The following TLK2 variants were observed in gnomAD, a reference collection of about 807,000 sequenced individuals.
The protein encoded by TLK2 is serine/threonine-protein kinase tousled-like 2.
A neutral mutation model predicts 117.3 loss-of-function variants in TLK2; 6 were observed. The observed-to-expected ratio is 0.05, with a 90% CI of 0.03 to 0.10. TLK2 has a LOEUF of 0.10. TLK2 is among the 10% of genes least tolerant of loss of function. The pLI is 1.00. For synonymous variants in TLK2, 257 were observed against 316.7 expected (o/e 0.81, Z 2.00); for missense variants, 299 against 901.2 (o/e 0.33, Z 8.56).
intron 2 of TLK2, among the ~76,000 whole-genome samples, chr17:62,518,794 T>TA (rs1185855637): frequency 3.9e-5 from 6 of 152,178 alleles, no homozygotes; most frequent in African/African-American, 1.4e-4. Flanking sequence ...CCATGAAAAT[T>TA]AATAATTTCT....
At chr17:62,495,972 T>G (rs1384181500) in intron 2 of TLK2, among the ~76,000 whole-genome samples, 1 of 151,846 alleles carries the variant, frequency 6.6e-6, no homozygotes, top group Non-Finnish European at 1.5e-5. Context: ...GGCCCCAAAA[T>G]TAAAATTTTT....
At chr17:62,576,085 T>G (rs537254695) in intron 12 of TLK2, among the ~76,000 whole-genome samples, 134 of 152,346 alleles carry the variant, frequency 8.8e-4, no homozygotes, top group African/African-American at 3.0e-3. Flanking sequence ...AGAGTTGATT[T>G]AAATAGCATT....
At position 62,471,888 on chromosome 17, in the gene TLK2, C is replaced by CTTTTT. The variant is rs869092720; in HGVS notation, c.-205+835_-205+839dup. Among the ~76,000 whole-genome samples the CTTTTT allele has an allele frequency of 3.2e-3, 120 of 37,776 alleles. 39 individuals are homozygous for CTTTTT. Among genetic ancestry groups the CTTTTT allele is most frequent in the African/African-American group, 5.4e-3 (49 of 9,120 alleles). The allele number at this position is 37,776 out of a possible 152,430, so 24.8% of individuals were successfully genotyped here. On this transcript the variant is annotated intron_variant, in intron 1 of 4. Transcript: ENST00000579450. ...GGCATGGAAGATTAGGTAGTATAGT[C>CTTTTT]TTTTTTTTTTTTTTTTTTTTTTTTT...
rs1218647782 is a variant in TLK2 at position 62,574,514 on chromosome 17, G to A, written c.1121+1147G>A. On this transcript the variant is annotated intron_variant, in intron 12 of 21. Coordinates refer to ENST00000346027, the MANE Select transcript of TLK2 (RefSeq NM_006852.6). ...CTTCATTCATATAACTCCAAATTTTGTTGTTGTTGTTTTTTTTTTTTGAGA... is the reference window on the plus strand; with the variant it reads ...CTTCATTCATATAACTCCAAATTTTATTGTTGTTGTTTTTTTTTTTTGAGA... The A allele has an allele frequency of 7.8e-6, 5 of 644,488 alleles. No individual in the cohort carries two copies. The South Asian group carries it at 8.7e-5, about 11-fold the overall frequency. 39.9% of individuals were successfully genotyped at this position (644,488 alleles called of 1,614,324 possible).
intron 2 of TLK2, among the ~76,000 whole-genome samples, chr17:62,495,436 A>C (rs1410297350): frequency 6.6e-6 from 1 of 151,314 alleles, no homozygotes; most frequent in African/African-American, 2.4e-5. Context: ...TTATTTTTAG[A>C]TAGGGTCTCA....
chr17:62,576,339 A>C (rs905075367), intron 12 of TLK2, among the ~76,000 whole-genome samples: 1 of 152,176 alleles, frequency 6.6e-6, no homozygotes, highest in Non-Finnish European at 1.5e-5. Context: ...AGAATAATCA[A>C]ATCCATTGGC....
At position 62,602,078 on chromosome 17, in the gene TLK2, A is replaced by C. The variant is rs1180671876; in HGVS notation, c.1757A>C (p.Glu586Ala). 1 of 1,612,968 alleles carries C rather than the reference A, an allele frequency of 6.2e-7. No homozygotes were observed. The highest frequency in any genetic ancestry group is 1.7e-5 in the Admixed American group (1 of 60,006). Reference protein sequence around the residue: ...ILLVNGTACGEIKITDFGLSK... With the variant: ...ILLVNGTACGAIKITDFGLSK... The stretch of plus-strand genomic sequence containing the variant: ...TTAGTAAATGGTACAGCGTGTGGAG[A>C]GATAAAAATTACAGATTTTGGTCTT... Residue 586 changes from glutamate (E) to alanine (A), a missense_variant, in exon 19 of 22, where the codon GAG becomes GCG. Glu to Ala is a moderately radical substitution (Grantham distance 107). Around this residue, in one of 4 missense-constraint regions of TLK2, gnomAD observed 81 missense variants for 370.9 expected, o/e 0.22. Coordinates refer to ENST00000346027, the MANE Select transcript of TLK2 (RefSeq NM_006852.6).
chr17:62,596,139 G>A (rs996908449), intron 16 of TLK2, among the ~76,000 whole-genome samples: 5 of 152,046 alleles, frequency 3.3e-5, no homozygotes, highest in Admixed American at 6.6e-5. Flanking sequence ...GTGCAGTGGC[G>A]CGACCTCAGC....
rs138216829 is a variant in TLK2, at chr17:62,596,068, A to G, written c.1461-517A>G. On this transcript the variant is annotated intron_variant, in intron 16 of 21. Transcript: ENST00000346027. ...CCATTCACTTAACAAATATTTGAGCACCTGTTATTTTATTTTATTTTATTT... is the reference window on the plus strand; with the variant it reads ...CCATTCACTTAACAAATATTTGAGCGCCTGTTATTTTATTTTATTTTATTT... 3.5e-3 allele frequency among the ~76,000 whole-genome samples: 527 copies of G among 152,064 alleles called. 6 individuals are homozygous for G. The highest frequency in any genetic ancestry group is 0.012 in the African/African-American group (511 of 41,494).
chr17:62,606,908 A>C (rs527667943), intron 20 of TLK2, among the ~76,000 whole-genome samples: 3 of 152,172 alleles, frequency 2.0e-5, no homozygotes, highest in Admixed American at 6.5e-5. Flanking sequence ...GGTATAAGCC[A>C]GATGGGAGTT....
chr17:62,568,660 C>G (rs1263210137), intron 11 of TLK2, among the ~76,000 whole-genome samples: 1 of 152,012 alleles, frequency 6.6e-6, no homozygotes, highest in Non-Finnish European at 1.5e-5. Context: ...TCTCGGCTCA[C>G]TGCAACCTCT....
chr17:62,605,569 C>T (rs1193964210), intron 19 of TLK2, among the ~76,000 whole-genome samples: 4 of 151,990 alleles, frequency 2.6e-5, no homozygotes, highest in Non-Finnish European at 5.9e-5. Flanking sequence ...GATAGGGTTT[C>T]GCCATGTTGC....
In TLK2 at chr17:62,612,910, C is replaced by G. The variant is rs189041603; in HGVS notation, c.*345C>G. 2.1e-3 allele frequency: 344 copies of G among 164,470 alleles called. 2 individuals carry two copies. The highest frequency in any genetic ancestry group is 2.7e-3 in the Non-Finnish European group (209 of 76,180). The allele number at this position is 164,470 out of a possible 1,614,324, so 10.2% of individuals were successfully genotyped here. On this transcript the variant is annotated 3_prime_UTR_variant, in exon 22 of 22. Transcript: ENST00000346027. ...TGCAGACTCAGGGGGGTCCCTGATG[C>G]AGTGCTTCAGATGAAGAATGTGGAC...
chr17:62,474,703 C>T (rs1376903688), upstream of TLK2, among the ~76,000 whole-genome samples: 2 of 152,070 alleles, frequency 1.3e-5, no homozygotes, highest in Non-Finnish European at 2.9e-5. Context: ...GCCACCGCGC[C>T]CGGCCTAGAA....
intron 7 of TLK2, among the ~76,000 whole-genome samples, chr17:62,538,873 C>T (rs554843782): frequency 3.3e-5 from 5 of 152,226 alleles, no homozygotes; most frequent in Admixed American, 2.0e-4. Flanking sequence ...TATTAATATA[C>T]AAGTGTAAAT....
At chr17:62,550,271 G>C (rs1263694163) in intron 7 of TLK2, 1 of 152,254 alleles carries the variant, frequency 6.6e-6, no homozygotes, top group Non-Finnish European at 1.5e-5. Flanking sequence ...ATGAGCCACT[G>C]TGCTCAGCCT....
upstream of TLK2, among the ~76,000 whole-genome samples, chr17:62,476,064 G>GC: frequency 6.6e-6 from 1 of 152,224 alleles, no homozygotes; most frequent in East Asian, 1.9e-4. Flanking sequence ...TGCAACCTCC[G>GC]CCTCCTGGGT....
rs1291270649 is a variant in TLK2 at position 62,613,035 on chromosome 17, A to T, written c.*470A>T. The stretch of plus-strand genomic sequence containing the variant: ...ATCTCCTGAAAAGCTTGTAGCACAA[A>T]GGCTCAGCTGGGGATGGTGTTTGAC... On this transcript the variant is annotated 3_prime_UTR_variant, in exon 22 of 22. Transcript: ENST00000346027. The T allele has an allele frequency of 6.5e-6, 1 of 152,730 alleles. No individual in the cohort carries two copies. The highest frequency in any genetic ancestry group is 2.4e-5 in the African/African-American group (1 of 41,474). The allele number at this position is 152,730 out of a possible 1,614,324, so 9.5% of individuals were successfully genotyped here. A position where few individuals can be genotyped will look rare whatever the true frequency, so the allele number is the denominator to read the frequency against.
At chr17:62,587,066 A>G (rs576623333) in intron 16 of TLK2, among the ~76,000 whole-genome samples, 5 of 151,958 alleles carry the variant, frequency 3.3e-5, no homozygotes, top group African/African-American at 9.7e-5. Flanking sequence ...TCTCTATAGA[A>G]TAGTACTAGT....
Sources: allele counts gnomAD v4.1 joint callset (sites outside exome capture counted in the v4.1 genomes callset), GRCh38; gene constraint gnomAD v4.1.1; regional missense constraint gnomAD v4.1.1; transcripts MANE v1.5; gene names NCBI Gene and HGNC (gene_info 2026-07-23, HGNC 2026-07-21).